The following PLCH1 variants were observed in gnomAD, a reference collection of about 807,000 sequenced individuals.
PLCH1 encodes the protein phospholipase C eta 1, also known as 1-phosphatidylinositol 4,5-bisphosphate phosphodiesterase eta-1.
In PLCH1, 60 loss-of-function variants were observed where a neutral mutation model predicts 126.7. The observed-to-expected ratio is 0.47, with a 90% CI of 0.38 to 0.59. The LOEUF (loss-of-function observed/expected upper bound fraction) is 0.59, where lower values mean the gene tolerates loss of function less well. Among genes scored for constraint, PLCH1 ranks in the 20% least tolerant of loss-of-function variants. PLCH1 has a pLI of 0.00. For synonymous variants in PLCH1, 719 were observed against 734.9 expected (o/e 0.98, Z 0.35); for missense variants, 1,723 against 2,040.0 (o/e 0.84, Z 2.99).
In PLCH1 at chr3:155,612,271, G is replaced by T. The variant is rs193213769; in HGVS notation, c.80-15893C>A. 4.2e-3 allele frequency among the ~76,000 whole-genome samples: 635 copies of T among 151,654 alleles called. 2 individuals carry two copies. Among genetic ancestry groups the T allele is most frequent in the Admixed American group, 7.0e-3 (107 of 15,236 alleles). On this transcript the variant is annotated intron_variant, in intron 2 of 22. Coordinates refer to ENST00000460012, the MANE Select transcript of PLCH1 (RefSeq NM_014996.4). Reference sequence around the variant, plus strand: ...TTAAACCTGGGAGGTGGAAGTTGCAGTGAGCCAAGATCGTGCCATTGCATT... The same window carrying T: ...TTAAACCTGGGAGGTGGAAGTTGCATTGAGCCAAGATCGTGCCATTGCATT...
chr3:155,598,807 A>G (rs1003208164), intron 2 of PLCH1, among the ~76,000 whole-genome samples: 1 of 152,196 alleles, frequency 6.6e-6, no homozygotes, highest in Non-Finnish European at 1.5e-5. Flanking sequence ...AGTACTGAAA[A>G]CAGTAGCTGG....
At chr3:155,557,353 C>A (rs1726955776) in intron 8 of PLCH1, among the ~76,000 whole-genome samples, 1 of 152,138 alleles carries the variant, frequency 6.6e-6, no homozygotes. Context: ...AATAGCTTTT[C>A]CAAAAGAATG....
intron 2 of PLCH1, among the ~76,000 whole-genome samples, chr3:155,624,766 T>C (rs547393072): frequency 3.3e-5 from 5 of 152,226 alleles, no homozygotes; most frequent in African/African-American, 1.2e-4. Flanking sequence ...TGGAAAAACA[T>C]TCCATGCTCA....
chr3:155,693,231 C>T (rs1292523785), intron 2 of PLCH1, among the ~76,000 whole-genome samples: 2 of 30,754 alleles, frequency 6.5e-5, no homozygotes, highest in Non-Finnish European at 9.5e-5. Flanking sequence ...TTTGGGAGGC[C>T]GAGGCGGGTG....
chr3:155,629,439 A>G (rs981000037), intron 2 of PLCH1, among the ~76,000 whole-genome samples: 9 of 152,236 alleles, frequency 5.9e-5, no homozygotes, highest in Non-Finnish European at 1.2e-4. Flanking sequence ...TAACTGCTGA[A>G]GATGACAAGC....
At chr3:155,625,826 C>A (rs1303367019) in intron 2 of PLCH1, among the ~76,000 whole-genome samples, 1 of 152,124 alleles carries the variant, frequency 6.6e-6, no homozygotes, top group Non-Finnish European at 1.5e-5. Context: ...TGTGGTGATT[C>A]CTCAAGGATC....
intron 10 of PLCH1, among the ~76,000 whole-genome samples, chr3:155,547,558 A>G (rs1026094999): frequency 4.6e-5 from 7 of 152,012 alleles, no homozygotes; most frequent in Non-Finnish European, 7.4e-5. Context: ...CCAAACGACT[A>G]TAAATCATGC....
intron 1 of PLCH1, among the ~76,000 whole-genome samples, chr3:155,731,352 C>G (rs1274858816): frequency 6.6e-6 from 1 of 152,324 alleles, no homozygotes; most frequent in East Asian, 1.9e-4. Context: ...CCAATTCCCA[C>G]AAACAACAAA....
intron 11 of PLCH1, 41 bp downstream of exon 11, chr3:155,523,856 G>A: frequency 8.8e-7 from 1 of 1,131,048 alleles, no homozygotes; most frequent in South Asian, 1.3e-5. Context: ...TTTTAATACA[G>A]CATATCAAGG....
chr3:155,459,082 G>A (rs1712614364), intron 21 of PLCH1, among the ~76,000 whole-genome samples: 1 of 152,176 alleles, frequency 6.6e-6, no homozygotes, highest in African/African-American at 2.4e-5. Flanking sequence ...CTTATTTGTG[G>A]CTAATTGGGA....
At chr3:155,594,262 CA>C in intron 3 of PLCH1, 78 bp from the exon 4 acceptor site, 1 of 1,344,364 alleles carries the variant, frequency 7.4e-7, no homozygotes, top group Non-Finnish European at 1.0e-6. Context: ...ACAAGAAAAG[CA>C]AAATCATTTT....
chr3:155,655,431 G>GAA (rs71155060), intron 2 of PLCH1, among the ~76,000 whole-genome samples: 1 of 141,516 alleles, frequency 7.1e-6, no homozygotes, highest in Non-Finnish European at 1.5e-5. Context: ...AAACTTGTGA[G>GAA]AAAAAAAAAA....
chr3:155,540,814 C>T (rs1326450852), intron 10 of PLCH1, among the ~76,000 whole-genome samples: 1 of 151,716 alleles, frequency 6.6e-6, no homozygotes, highest in Non-Finnish European at 1.5e-5. Flanking sequence ...CTAGTACAAC[C>T]ATTATGGAAA....
At position 155,514,173 on chromosome 3, in the gene PLCH1, T is replaced by C. The variant is rs573008545; in HGVS notation, c.1632+550A>G. Among the ~76,000 whole-genome samples the C allele has an allele frequency of 4.9e-4, 74 of 152,326 alleles. No homozygotes were observed. In the East Asian group the frequency reaches 0.013, roughly 26 times the overall value. ...CCGCTTACCAACATCTTCTTCATCATTGAAGCCATTTTGTATTAGGATTTC... is the reference window on the plus strand; with the variant it reads ...CCGCTTACCAACATCTTCTTCATCACTGAAGCCATTTTGTATTAGGATTTC... On this transcript the variant is annotated intron_variant, in intron 12 of 22. Coordinates refer to ENST00000460012, the MANE Select transcript of PLCH1 (RefSeq NM_014996.4).
At chr3:155,679,148 C>T (rs1374198432) in intron 2 of PLCH1, among the ~76,000 whole-genome samples, 1 of 152,174 alleles carries the variant, frequency 6.6e-6, no homozygotes. Context: ...AAACAAGACA[C>T]CCAGTTAAAT....
intron 4 of PLCH1, among the ~76,000 whole-genome samples, chr3:155,588,699 C>T (rs1165987492): frequency 1.3e-5 from 2 of 152,098 alleles, no homozygotes; most frequent in African/African-American, 2.4e-5. Flanking sequence ...CGGAAATCGG[C>T]CTTGATTATT....
Position 155,458,381 on chromosome 3 carries a change from AGAAAGAAGGAAGGAAG to A in PLCH1, c.2938+26959_2938+26974del, listed in dbSNP as rs1358596527. Among the ~76,000 whole-genome samples, 196 of 103,190 alleles carry A rather than the reference AGAAAGAAGGAAGGAAG, an allele frequency of 1.9e-3. 8 individuals are homozygous for A. Among genetic ancestry groups the A allele is most frequent in the African/African-American group, 6.0e-3 (126 of 20,852 alleles). The allele number at this position is 103,190 out of a possible 152,430, so 67.7% of individuals were successfully genotyped here. A position where few individuals can be genotyped will look rare whatever the true frequency, so the allele number is the denominator to read the frequency against. On this transcript the variant is annotated intron_variant, in intron 21 of 21. Coordinates refer to the PLCH1 transcript ENST00000494598. The stretch of plus-strand genomic sequence containing the variant: ...AAAGAAAGAAAGAAGAAAGAAAGAA[AGAAAGAAGGAAGGAAG>A]GAAGGAAGGAAGGAAGGAAGGAAGG...
intron 2 of PLCH1, among the ~76,000 whole-genome samples, chr3:155,654,685 C>T (rs1208380390): frequency 2.0e-5 from 3 of 152,174 alleles, no homozygotes; most frequent in Non-Finnish European, 4.4e-5. Context: ...CTCATAACTT[C>T]CCCAGCTTCT....
At chr3:155,483,192 T>C (rs905995988) in intron 22 of PLCH1, 141 bp from the exon 23 acceptor site, 9 of 960,586 alleles carry the variant, frequency 9.4e-6, no homozygotes, top group Non-Finnish European at 1.4e-5. Flanking sequence ...TTGCATAGGT[T>C]TGCAACAAAG....
Sources: allele counts gnomAD v4.1 joint callset (sites outside exome capture counted in the v4.1 genomes callset), GRCh38; gene constraint gnomAD v4.1.1; transcripts MANE v1.5; gene names NCBI Gene and HGNC (gene_info 2026-07-23, HGNC 2026-07-21).